The following PLPP1 variants were observed in gnomAD, a reference collection of about 807,000 sequenced individuals.
PLPP1 encodes lipid phosphate phosphohydrolase 1a.
In PLPP1, 24 loss-of-function variants were observed where a neutral mutation model predicts 31.2. That is an observed-to-expected ratio of 0.77 (90% CI 0.56 to 1.08). The LOEUF is 1.08. Among genes scored for constraint, PLPP1 ranks in the 50% least tolerant of loss-of-function variants. The pLI, the probability that PLPP1 is intolerant of heterozygous loss-of-function variation, is 0.00. For missense variants in PLPP1, 319 were observed against 342.7 expected (o/e 0.93, Z 0.55); for synonymous variants, 146 against 126.3 (o/e 1.16, Z -1.05).
At chr5:55,458,924 CA>C (rs1346910726) in intron 3 of PLPP1, among the ~76,000 whole-genome samples, 1 of 91,962 alleles carries the variant, frequency 1.1e-5, no homozygotes, top group African/African-American at 4.0e-5. Flanking sequence ...AAACACATAG[CA>C]AAATGGCAGA....
chr5:55,449,125 T>C (rs985544260), intron 3 of PLPP1, among the ~76,000 whole-genome samples: 4 of 152,226 alleles, frequency 2.6e-5, no homozygotes, highest in Non-Finnish European at 4.4e-5. Context: ...AATAGCTCTA[T>C]GTGAACTGAT....
At chr5:55,444,741 T>TGTGTGTGTGTGTGTGTGTGTG (rs1554037408) in intron 3 of PLPP1, among the ~76,000 whole-genome samples, 45 of 6,976 alleles carry the variant, frequency 6.5e-3, no homozygotes, top group African/African-American at 0.011. Context: ...TGGGATTCTA[T>TGTGTGTGTGTGTGTGTGTGTG]TTTGTGTGTG....
In PLPP1 at chr5:55,425,063, A is replaced by C; in HGVS notation, c.*143T>G. The C allele has an allele frequency of 8.8e-7, 1 of 1,141,496 alleles. No individual in the cohort carries two copies. Among genetic ancestry groups the C allele is most frequent in the Non-Finnish European group, 1.2e-6 (1 of 805,742 alleles). 70.7% of individuals were successfully genotyped at this position (1,141,496 alleles called of 1,614,324 possible). A position where few individuals can be genotyped will look rare whatever the true frequency, so the allele number is the denominator to read the frequency against. ...CTGAGTTAAAGGTAACTATGTACAC[A>C]CAAAGTGTGCATCCAAGAGGCATAG... On this transcript the variant is annotated 3_prime_UTR_variant, in exon 6 of 6. Transcript: ENST00000307259.
intron 1 of PLPP1, chr5:55,484,898 A>C (rs934178604): frequency 6.6e-6 from 1 of 152,214 alleles, no homozygotes; most frequent in African/African-American, 2.4e-5. Flanking sequence ...AACAATGGAC[A>C]CTGAAGGTTG....
At chr5:55,485,822 T>C (rs1752765478) in intron 1 of PLPP1, among the ~76,000 whole-genome samples, 2 of 152,136 alleles carry the variant, frequency 1.3e-5, no homozygotes, top group Non-Finnish European at 2.9e-5. Context: ...TTATGAAATA[T>C]CATAATATTT....
Position 55,441,925 on chromosome 5 carries a change from A to G in PLPP1, c.492-17T>C, listed in dbSNP as rs781602573. 7 of 1,610,020 alleles carry G rather than the reference A, an allele frequency of 4.3e-6. No individual in the cohort carries two copies. The highest frequency in any genetic ancestry group is 1.6e-4 in the Middle Eastern group (1 of 6,076). ...AAGGACAACCTGGAAGAAAAAGAAG[A>G]CAAATGTTACTTTTCTCTCTTAGGA... is the stretch of plus-strand genomic sequence containing the variant. On this transcript the variant is annotated splice_polypyrimidine_tract_variant and intron_variant, in intron 3 of 5. Transcript: ENST00000307259.
intron 1 of PLPP1, among the ~76,000 whole-genome samples, chr5:55,532,844 C>T (rs551343067): frequency 4.4e-4 from 67 of 151,662 alleles, no homozygotes; most frequent in Non-Finnish European, 4.6e-4. Context: ...GTAATCCCAG[C>T]TACTCAGGAG....
intron 1 of PLPP1, among the ~76,000 whole-genome samples, chr5:55,513,528 T>G (rs1753487758): frequency 6.6e-6 from 1 of 152,086 alleles, no homozygotes; most frequent in Non-Finnish European, 1.5e-5. Flanking sequence ...CGCCTTGGCC[T>G]CCCAAAGTGC....
intron 3 of PLPP1, among the ~76,000 whole-genome samples, chr5:55,451,516 G>A (rs1191021490): frequency 6.6e-6 from 1 of 151,834 alleles, no homozygotes; most frequent in Non-Finnish European, 1.5e-5. Context: ...ATGTTACCAG[G>A]AGGACTAACA....
chr5:55,499,168 C>G (rs940098476), intron 1 of PLPP1, among the ~76,000 whole-genome samples: 1 of 152,212 alleles, frequency 6.6e-6, no homozygotes, highest in African/African-American at 2.4e-5. Flanking sequence ...CCAGATCCAT[C>G]CTGTTCTCTT....
chr5:55,425,452 G>C (rs1561217148), intron 5 of PLPP1, 118 bp from the exon 6 acceptor site: 6 of 920,422 alleles, frequency 6.5e-6, no homozygotes, highest in Non-Finnish European at 9.2e-6. Context: ...GAGGTGTACA[G>C]ATTAAGCATA....
At chr5:55,453,855 C>T (rs181842503) in intron 3 of PLPP1, among the ~76,000 whole-genome samples, 5 of 152,154 alleles carry the variant, frequency 3.3e-5, no homozygotes, top group East Asian at 1.9e-4. Flanking sequence ...GCAGGAGAAT[C>T]GCTTGAACCC....
chr5:55,440,775 T>A (rs1435989532), intron 4 of PLPP1, among the ~76,000 whole-genome samples: 1 of 152,222 alleles, frequency 6.6e-6, no homozygotes, highest in Admixed American at 6.5e-5. Flanking sequence ...TTTTAAATTA[T>A]CTCTGAGACT....
At chr5:55,502,559 G>A (rs535973966) in intron 1 of PLPP1, among the ~76,000 whole-genome samples, 1 of 152,072 alleles carries the variant, frequency 6.6e-6, no homozygotes, top group South Asian at 2.1e-4. Context: ...AGGCTACAGA[G>A]CTCTTGATAT....
chr5:55,430,505 C>A (rs1037334713), intron 4 of PLPP1, among the ~76,000 whole-genome samples: 1 of 152,244 alleles, frequency 6.6e-6, no homozygotes, highest in African/African-American at 2.4e-5. Context: ...AGAAATCATA[C>A]TGAGACTACA....
At chr5:55,441,718 T>C in intron 4 of PLPP1, 133 bp downstream of exon 4, 1 of 985,846 alleles carries the variant, frequency 1.0e-6, no homozygotes, top group African/African-American at 1.6e-5. Flanking sequence ...AGTATGAAAC[T>C]TACAGATTTG....
chr5:55,508,695 G>A (rs1753337514), intron 1 of PLPP1, among the ~76,000 whole-genome samples: 1 of 152,220 alleles, frequency 6.6e-6, no homozygotes. Context: ...GGTGCTAGAG[G>A]AGCTGGGTTC....
intron 4 of PLPP1, among the ~76,000 whole-genome samples, chr5:55,439,978 C>T (rs567215428): frequency 6.6e-6 from 1 of 152,150 alleles, no homozygotes; most frequent in Admixed American, 6.5e-5. Flanking sequence ...GCATGGGATC[C>T]TGATTATCAA....
At position 55,511,424 on chromosome 5, in the gene PLPP1, T is replaced by C. The variant is rs148453285; in HGVS notation, c.58+23148A>G. 5.3e-4 allele frequency among the ~76,000 whole-genome samples: 80 copies of C among 152,220 alleles called. No individual in the cohort carries two copies. The East Asian group carries it at 0.013, about 26-fold the overall frequency. On this transcript the variant is annotated intron_variant, in intron 1 of 5. Transcript: ENST00000307259. ...ACCATTAAAATTTCAGACAATTATA[T>C]TGAAAATTACAAAATATATGTATAC... is the stretch of plus-strand genomic sequence containing the variant.
Sources: gnomAD v4.1 joint callset for allele counts (sites outside exome capture counted in the v4.1 genomes callset) on GRCh38, gnomAD v4.1.1 for gene constraint, MANE v1.5 for transcripts, NCBI Gene and HGNC (gene_info 2026-07-23, HGNC 2026-07-21) for gene names.